The following MEIS2 variants were observed in gnomAD, a reference collection of about 807,000 sequenced individuals.
The protein encoded by MEIS2 is Meis homeobox 2, also known as homeobox protein Meis2.
Under a neutral mutation model 58.6 loss-of-function variants are expected in MEIS2, and 9 were observed. The observed-to-expected ratio is 0.15, with a 90% CI of 0.09 to 0.27. The LOEUF (loss-of-function observed/expected upper bound fraction) is 0.27. Among genes scored for constraint, MEIS2 ranks in the 10% least tolerant of loss-of-function variants. The probability of loss-of-function intolerance (pLI) is 1.00; values close to 1 mark genes in which losing one functional copy is unlikely to be tolerated. For synonymous variants in MEIS2, 221 were observed against 228.4 expected, an observed-to-expected ratio of 0.97 and a Z score of 0.29; for missense variants, 427 against 635.0, an observed-to-expected ratio of 0.67 and a Z score of 3.52.
chr15:36,911,200 G>A (rs1441055167), intron 9 of MEIS2, among the ~76,000 whole-genome samples: 1 of 151,406 alleles, frequency 6.6e-6, no homozygotes, highest in Non-Finnish European at 1.5e-5. Context: ...AGATCATTGG[G>A]TATTTTACTA....
intron 8 of MEIS2, among the ~76,000 whole-genome samples, chr15:37,015,251 C>G (rs530951564): frequency 6.6e-6 from 1 of 152,300 alleles, no homozygotes; most frequent in East Asian, 1.9e-4. Context: ...ATGCATGATT[C>G]ACTGCTCAGG....
intron 8 of MEIS2, among the ~76,000 whole-genome samples, chr15:36,958,563 C>T (rs2141420367): frequency 6.6e-6 from 1 of 152,168 alleles, no homozygotes; most frequent in Admixed American, 6.5e-5. Context: ...TCTAAACTTC[C>T]AAAAAGGCAA....
chr15:36,984,252 C>T (rs2060022994), intron 8 of MEIS2, among the ~76,000 whole-genome samples: 1 of 151,876 alleles, frequency 6.6e-6, no homozygotes, highest in Non-Finnish European at 1.5e-5. Flanking sequence ...TAACTTTTCA[C>T]TGTTGAGTAT....
chr15:36,971,028 A>G (rs1319000950), intron 8 of MEIS2, among the ~76,000 whole-genome samples: 1 of 152,064 alleles, frequency 6.6e-6, no homozygotes, highest in African/African-American at 2.4e-5. Context: ...GTATGTGTTC[A>G]AAGAATAGGA....
chr15:36,969,144 C>T (rs1330371871), intron 8 of MEIS2, among the ~76,000 whole-genome samples: 2 of 152,166 alleles, frequency 1.3e-5, no homozygotes, highest in Non-Finnish European at 2.9e-5. Context: ...TGTTGTATTT[C>T]TTCTCTTAGT....
At chr15:36,937,809 A>G (rs2058230418) in intron 9 of MEIS2, among the ~76,000 whole-genome samples, 1 of 152,200 alleles carries the variant, frequency 6.6e-6, no homozygotes, top group Non-Finnish European at 1.5e-5. Context: ...CACACTCTTA[A>G]AAGACTTTTT....
intron 9 of MEIS2, among the ~76,000 whole-genome samples, chr15:36,945,535 G>A (rs2058532514): frequency 6.6e-6 from 1 of 152,040 alleles, no homozygotes; most frequent in Non-Finnish European, 1.5e-5. Flanking sequence ...GCTAGAAAGG[G>A]AAACTGATTC....
intron 7 of MEIS2, among the ~76,000 whole-genome samples, chr15:37,052,641 G>T (rs1466114976): frequency 2.0e-5 from 3 of 152,180 alleles, no homozygotes; most frequent in Admixed American, 6.5e-5. Context: ...TGAGATGTGT[G>T]ATATTTGGCA....
intron 8 of MEIS2, among the ~76,000 whole-genome samples, chr15:36,973,803 T>C (rs957893955): frequency 6.6e-6 from 1 of 151,954 alleles, no homozygotes; most frequent in Non-Finnish European, 1.5e-5. Context: ...TTTCTTCTTA[T>C]TTAAAAAAAA....
intron 8 of MEIS2, among the ~76,000 whole-genome samples, chr15:37,012,860 C>CT (rs1009095693): frequency 2.6e-5 from 4 of 151,970 alleles, no homozygotes; most frequent in Non-Finnish European, 5.9e-5. Flanking sequence ...TTCAATGTGG[C>CT]TTTTTTTGGC....
chr15:36,914,922 A>G (rs1356766107), intron 9 of MEIS2, among the ~76,000 whole-genome samples: 3 of 152,222 alleles, frequency 2.0e-5, no homozygotes, highest in African/African-American at 7.2e-5. Flanking sequence ...GTTATAAACA[A>G]CGTGAGCCAG....
intron 7 of MEIS2, among the ~76,000 whole-genome samples, chr15:37,079,168 T>C (rs573629046): frequency 2.6e-5 from 4 of 152,246 alleles, no homozygotes; most frequent in South Asian, 2.1e-4. Flanking sequence ...AAATAGTCCA[T>C]ATACAACAGT....
At chr15:37,022,705 G>C (rs1336625487) in intron 8 of MEIS2, among the ~76,000 whole-genome samples, 2 of 152,098 alleles carry the variant, frequency 1.3e-5, no homozygotes, top group Non-Finnish European at 2.9e-5. Context: ...AGTGGCGCAA[G>C]CTCAGCTCAC....
At chr15:37,076,988 A>G (rs1051357724) in intron 7 of MEIS2, among the ~76,000 whole-genome samples, 2 of 152,130 alleles carry the variant, frequency 1.3e-5, no homozygotes, top group African/African-American at 4.8e-5. Context: ...ACCCCCAAAG[A>G]TAAGATACAT....
At chr15:37,020,763 A>G (rs574705845) in intron 8 of MEIS2, among the ~76,000 whole-genome samples, 1 of 151,492 alleles carries the variant, frequency 6.6e-6, no homozygotes, top group African/African-American at 2.4e-5. Flanking sequence ...GGAAAAAAAA[A>G]CCCATAAACC....
intron 8 of MEIS2, among the ~76,000 whole-genome samples, chr15:36,976,709 AT>A (rs1293989276): frequency 6.6e-6 from 1 of 152,078 alleles, no homozygotes; most frequent in Admixed American, 6.5e-5. Flanking sequence ...GAAAATGATC[AT>A]TTTTGTTTGT....
intron 8 of MEIS2, among the ~76,000 whole-genome samples, chr15:37,009,948 T>G (rs750608518): frequency 5.3e-5 from 8 of 152,094 alleles, no homozygotes; most frequent in Admixed American, 5.2e-4. Context: ...GCAGAATAAG[T>G]GAATAAATGA....
In MEIS2 at chr15:37,052,824, C is replaced by G. The variant is rs16964616; in HGVS notation, c.755-15865G>C. ...TTCCTTATTCTTCCGAAACTCATAT[C>G]TCAAAACGGCACAAAAGCAAAGGGT... On this transcript the variant is annotated intron_variant, in intron 7 of 11. Coordinates refer to ENST00000561208, the MANE Select transcript of MEIS2 (RefSeq NM_170675.5). Among the ~76,000 whole-genome samples, 275 of 152,272 alleles carry G rather than the reference C, an allele frequency of 1.8e-3. 3 individuals are homozygous for G. In the East Asian group the frequency reaches 0.025, roughly 14 times the overall value.
intron 2 of MEIS2, 152 bp from the exon 3 acceptor site, chr15:37,096,582 G>C: frequency 1.1e-6 from 1 of 921,532 alleles, no homozygotes; most frequent in Non-Finnish European, 1.5e-6. Flanking sequence ...TCCATCAGGC[G>C]AGCCTAAGCC....
Sources: allele counts gnomAD v4.1 joint callset (sites outside exome capture counted in the v4.1 genomes callset), GRCh38; gene constraint gnomAD v4.1.1; transcripts MANE v1.5; gene names NCBI Gene and HGNC (gene_info 2026-07-23, HGNC 2026-07-21).